The following PKD2L2 variants were observed in gnomAD, a reference collection of about 807,000 sequenced individuals.
The protein encoded by PKD2L2 is polycystin 2 like 2, transient receptor potential cation channel.
In PKD2L2, 67 loss-of-function variants were observed where a neutral mutation model predicts 83.9. That is an observed-to-expected ratio of 0.80 (90% CI 0.66 to 0.98). The LOEUF (loss-of-function observed/expected upper bound fraction) is 0.98, where lower values mean the gene tolerates loss of function less well. Among genes scored for constraint, PKD2L2 ranks in the 50% least tolerant of loss-of-function variants. The pLI is 0.00. For missense variants in PKD2L2, 632 were observed against 717.2 expected (o/e 0.88, Z 1.36); for synonymous variants, 223 against 237.8 (o/e 0.94, Z 0.57).
intron 5 of PKD2L2, 118 bp downstream of exon 5, chr5:137,899,855 G>A (rs1756804620): frequency 4.0e-6 from 2 of 495,990 alleles, no homozygotes; most frequent in Middle Eastern, 5.2e-4. Flanking sequence ...ACTTAGATAT[G>A]GATTTTTTTC....
At chr5:137,906,571 G>T in intron 6 of PKD2L2, 137 bp downstream of exon 6, 1 of 555,116 alleles carries the variant, frequency 1.8e-6, no homozygotes. Flanking sequence ...AAATGTACTG[G>T]GAATAGTACT....
chr5:137,890,921 CAT>C (rs1350061439), intron 2 of PKD2L2, among the ~76,000 whole-genome samples: 1 of 152,108 alleles, frequency 6.6e-6, no homozygotes, highest in East Asian at 1.9e-4. Context: ...TGTTTAGAGT[CAT>C]ATAGACACAT....
intron 8 of PKD2L2, among the ~76,000 whole-genome samples, chr5:137,914,403 A>T (rs1758137595): frequency 6.6e-6 from 1 of 152,012 alleles, no homozygotes; most frequent in African/African-American, 2.4e-5. Context: ...TCCAAAATCT[A>T]AAAAAAATCC....
chr5:137,925,552 C>T (rs1759309090), intron 11 of PKD2L2, among the ~76,000 whole-genome samples: 1 of 152,142 alleles, frequency 6.6e-6, no homozygotes, highest in South Asian at 2.1e-4. Context: ...ATTTATTTGG[C>T]TATAAAAATA....
At chr5:137,925,600 A>G (rs1027255091) in intron 11 of PKD2L2, among the ~76,000 whole-genome samples, 1 of 152,244 alleles carries the variant, frequency 6.6e-6, no homozygotes, top group African/African-American at 2.4e-5. Context: ...CAATACTTAT[A>G]CTTACACTGT....
intron 14 of PKD2L2, chr5:137,938,707 CTATT>C (rs960891243): frequency 6.6e-6 from 1 of 151,348 alleles, no homozygotes; most frequent in African/African-American, 2.4e-5. Flanking sequence ...ACTAGAACTG[CTATT>C]TATTATCAAA....
Position 137,894,342 on chromosome 5 carries a change from T to C in PKD2L2, c.268-11T>C. ...ATATTTTTCCCATGACATTTGTTTT[T>C]CTCTGTGGAGTTTATGGAAGGACCC... On this transcript the variant is annotated splice_polypyrimidine_tract_variant and intron_variant, in intron 3 of 14. Coordinates refer to ENST00000508883, the MANE Select transcript of PKD2L2 (RefSeq NM_001300921.2). The C allele has an allele frequency of 1.3e-6, 2 of 1,582,110 alleles. No individual in the cohort carries two copies. Among genetic ancestry groups the C allele is most frequent in the Non-Finnish European group, 1.7e-6 (2 of 1,170,100 alleles).
At chr5:137,903,176 C>T (rs1203807041) in intron 5 of PKD2L2, among the ~76,000 whole-genome samples, 1 of 152,230 alleles carries the variant, frequency 6.6e-6, no homozygotes, top group African/African-American at 2.4e-5. Context: ...CTACATGTAT[C>T]TCATCCGTCT....
At chr5:137,935,734 G>A in intron 12 of PKD2L2, 63 bp from the exon 13 acceptor site, 1 of 856,686 alleles carries the variant, frequency 1.2e-6, no homozygotes, top group Non-Finnish European at 1.9e-6. Context: ...TGATGCTTGT[G>A]TGCCAAAGAC....
In PKD2L2 at chr5:137,921,811, T is replaced by A. The variant is rs574956154; in HGVS notation, c.1449+55T>A. On this transcript the variant is annotated intron_variant, in intron 9 of 14. Coordinates refer to ENST00000508883, the MANE Select transcript of PKD2L2 (RefSeq NM_001300921.2). ...TTACTTTTTAGAATAAAAAGTAAAA[T>A]TACTCATTTAGAATAAACTATTATT... 1.6e-4 allele frequency: 203 copies of A among 1,291,594 alleles called. No homozygotes were observed. In the African/African-American group the frequency reaches 2.5e-3, roughly 16 times the overall value. 80.0% of individuals were successfully genotyped at this position (1,291,594 alleles called of 1,614,324 possible). A position where few individuals can be genotyped will look rare whatever the true frequency, so the allele number is the denominator to read the frequency against.
intron 12 of PKD2L2, among the ~76,000 whole-genome samples, chr5:137,928,092 CAGA>C (rs1271801309): frequency 6.6e-6 from 1 of 152,182 alleles, no homozygotes; most frequent in African/African-American, 2.4e-5. Context: ...CATAAATCAA[CAGA>C]AGAACACCTA....
rs137896033 is a variant in PKD2L2, at chr5:137,934,039, A to G, written c.1672-1758A>G. ...GTTAAGAGTTGTCAGAAAAACAGAA[A>G]TCACTTAGGTAATTTAAAAAGAGGG... On this transcript the variant is annotated intron_variant, in intron 12 of 14. Transcript: ENST00000508883. Among the ~76,000 whole-genome samples the G allele has an allele frequency of 7.2e-5, 11 of 152,266 alleles. No individual in the cohort carries two copies. The East Asian group carries it at 2.1e-3, about 29-fold the overall frequency.
intron 9 of PKD2L2, among the ~76,000 whole-genome samples, chr5:137,922,549 G>A (rs1227583475): frequency 2.2e-4 from 34 of 152,042 alleles, no homozygotes; most frequent in Admixed American, 2.2e-3. Flanking sequence ...ACCAGCCTGG[G>A]CAACATGACG....
chr5:137,926,015 G>A, intron 12 of PKD2L2, 86 bp downstream of exon 12: 2 of 676,774 alleles, frequency 3.0e-6, no homozygotes, highest in Non-Finnish European at 5.2e-6. Context: ...GAATTGAAAT[G>A]ATTTGCTGTT....
intron 8 of PKD2L2, 21 bp from the exon 9 acceptor site, chr5:137,921,615 T>C: frequency 2.0e-6 from 3 of 1,494,568 alleles, no homozygotes; most frequent in Non-Finnish European, 2.8e-6. Flanking sequence ...ATATATTTTC[T>C]ACTGTTTTTC....
intron 8 of PKD2L2, among the ~76,000 whole-genome samples, chr5:137,918,967 T>TGAGA (rs1374825483): frequency 8.1e-5 from 12 of 147,932 alleles, no homozygotes; most frequent in African/African-American, 2.2e-4. Context: ...TGTGTGTGTG[T>TGAGA]GAGTGTGTGT....
chr5:137,935,768 C>A, intron 12 of PKD2L2, 29 bp from the exon 13 acceptor site: 1 of 1,161,126 alleles, frequency 8.6e-7, no homozygotes, highest in Non-Finnish European at 1.3e-6. Context: ...CTAAAGATTG[C>A]AGCCTTTACT....
intron 14 of PKD2L2, chr5:137,939,114 T>C (rs531839685): frequency 6.6e-5 from 10 of 151,882 alleles, no homozygotes; most frequent in Non-Finnish European, 1.5e-4. Context: ...CCACTACACA[T>C]CCTGTAAACA....
intron 8 of PKD2L2, among the ~76,000 whole-genome samples, chr5:137,919,708 G>C (rs569655071): frequency 6.6e-6 from 1 of 152,270 alleles, no homozygotes; most frequent in East Asian, 1.9e-4. Flanking sequence ...AAATACTTTA[G>C]GTATGATTTG....
Sources: gnomAD v4.1 joint callset for allele counts (sites outside exome capture counted in the v4.1 genomes callset) on GRCh38, gnomAD v4.1.1 for gene constraint, MANE v1.5 for transcripts, NCBI Gene and HGNC (gene_info 2026-07-23, HGNC 2026-07-21) for gene names.